Variants in PHLDB1 observed in about 807,000 individuals in gnomAD.
PHLDB1 encodes the protein pleckstrin homology like domain family B member 1, also known as pleckstrin homology-like domain family B member 1.
In PHLDB1, 65 loss-of-function variants were observed where a neutral mutation model predicts 139.3. The ratio of observed to expected loss-of-function variants is 0.47; its 90% CI spans 0.38 to 0.57. The LOEUF (loss-of-function observed/expected upper bound fraction) is 0.57, where lower values mean the gene tolerates loss of function less well. PHLDB1 is among the 20% of genes least tolerant of loss of function. PHLDB1 has a pLI of 0.00. For missense variants in PHLDB1, 1,624 were observed against 1,839.7 expected (o/e 0.88, Z 2.14); for synonymous variants, 679 against 734.5 (o/e 0.92, Z 1.22).
At chr11:118,653,318 A>G (rs1207474474) in intron 20 of PHLDB1, 1 of 152,000 alleles carries the variant, frequency 6.6e-6, no homozygotes, top group East Asian at 1.9e-4. Context: ...ACTCGATAGA[A>G]ACCCCCTCAT....
chr11:118,644,562 T>G, intron 15 of PHLDB1: 1 of 900,796 alleles, frequency 1.1e-6, no homozygotes, highest in East Asian at 6.5e-5. Flanking sequence ...ATTTGGTTGT[T>G]TTGAAAGCCC....
chr11:118,627,238 G>A, intron 5 of PHLDB1, 67 bp from the exon 6 acceptor site: 5 of 1,488,706 alleles, frequency 3.4e-6, no homozygotes, highest in Non-Finnish European at 4.6e-6. Context: ...GGAGGAGGGG[G>A]GCTAGTGCTC....
Position 118,613,595 on chromosome 11 carries a change from G to A in PHLDB1, c.-21-221G>A. On this transcript the variant is annotated intron_variant, in intron 1 of 22. Coordinates refer to ENST00000600882, the MANE Select transcript of PHLDB1 (RefSeq NM_001144758.3). ...CTGTTTGTGCTTACAGTGGCAGGGG[G>A]CAGGACTGGTATCCATGCTGTGGCT... is the stretch of plus-strand genomic sequence containing the variant. The A allele has an allele frequency of 7.9e-6, 5 of 635,174 alleles. No homozygotes were observed. In the South Asian group the frequency reaches 9.8e-5, roughly 12 times the overall value. The allele number at this position is 635,174 out of a possible 1,614,324, so 39.3% of individuals were successfully genotyped here.
In PHLDB1 at chr11:118,631,315, TTGGCAC is replaced by T. The variant is rs533357057; in HGVS notation, c.1942_1947del (p.Leu648_Ala649del). Reference sequence around the variant, plus strand: ...CAGCATTGGGGAGGCCACCGCAGCATTGGCACTGGCAGGCCGGAGGCCCTCACGAGG... The same window carrying T: ...CAGCATTGGGGAGGCCACCGCAGCATTGGCAGGCCGGAGGCCCTCACGAGG... On this transcript the variant is annotated inframe_deletion, in exon 7 of 23. Transcript: ENST00000600882. The T allele has an allele frequency of 4.8e-4, 738 of 1,550,094 alleles. 10 individuals are homozygous for T. The South Asian group carries it at 8.3e-3, about 17-fold the overall frequency.
At chr11:118,643,292 G>A (rs1555122986) in intron 13 of PHLDB1, among the ~76,000 whole-genome samples, 1 of 152,240 alleles carries the variant, frequency 6.6e-6, no homozygotes, top group African/African-American at 2.4e-5. Context: ...GGAAGTAGCA[G>A]AGCTTATGCC....
At chr11:118,615,040 C>T (rs1398649491) in intron 3 of PHLDB1, 1 of 205,712 alleles carries the variant, frequency 4.9e-6, no homozygotes, top group African/African-American at 2.4e-5. Context: ...ACTACAAATA[C>T]AAAAATTAGC....
chr11:118,631,937 C>T lies in PHLDB1; in HGVS notation c.2125C>T (p.Leu709Phe), dbSNP rs1555111103. ...QEHEDAPSTK[L>F]QGEVLALEEE... ...GCACGAAGATGCACCTAGCACCAAGCTCCAGGGAGAGGTGCTAGCCCTGGA... is the reference window on the plus strand; with the variant it reads ...GCACGAAGATGCACCTAGCACCAAGTTCCAGGGAGAGGTGCTAGCCCTGGA... Residue 709 changes from leucine to phenylalanine, a missense_variant, in exon 8 of 23, where the codon CTC becomes TTC. Physicochemically the swap from Leu to Phe is conservative, Grantham distance 22. Coordinates refer to ENST00000600882, the MANE Select transcript of PHLDB1 (RefSeq NM_001144758.3). The T allele has an allele frequency of 6.2e-7, 1 of 1,613,736 alleles. No homozygotes were observed. The highest frequency in any genetic ancestry group is 8.5e-7 in the Non-Finnish European group (1 of 1,179,824).
chr11:118,609,649 G>T (rs1939785974), intron 1 of PHLDB1, among the ~76,000 whole-genome samples: 2 of 152,208 alleles, frequency 1.3e-5, no homozygotes, highest in African/African-American at 4.8e-5. Context: ...TGTCTGTGGG[G>T]GCCGCCCCGT....
At position 118,657,937 on chromosome 11, in the gene PHLDB1, A is replaced by C; in HGVS notation, c.*1114A>C. 1 of 246,264 alleles carries C rather than the reference A, an allele frequency of 4.1e-6. No individual in the cohort carries two copies. Among genetic ancestry groups the C allele is most frequent in the Non-Finnish European group, 7.9e-6 (1 of 125,844 alleles). 15.3% of individuals were successfully genotyped at this position (246,264 alleles called of 1,614,324 possible). ...GCCCACCTCCCCTGCTCTCCTTCCC[A>C]GCATTGAGCCCTTGGTTGCCTGGGC... On this transcript the variant is annotated 3_prime_UTR_variant, in exon 23 of 23. Transcript: ENST00000600882.
At position 118,631,967 on chromosome 11, in the gene PHLDB1, G is replaced by A; in HGVS notation, c.2155G>A (p.Glu719Lys). Residue 719 changes from glutamate to lysine, a missense_variant, in exon 8 of 23, where the codon GAG (glutamate) becomes AAG (lysine). Coordinates refer to ENST00000600882, the MANE Select transcript of PHLDB1 (RefSeq NM_001144758.3). Reference sequence around the variant, plus strand: ...GGGAGAGGTGCTAGCCCTGGAAGAAGAGCGGGCTCAGGTGCTGGGGCACGT... The same window carrying A: ...GGGAGAGGTGCTAGCCCTGGAAGAAAAGCGGGCTCAGGTGCTGGGGCACGT... ...LQGEVLALEE[E>K]RAQVLGHVEQ... The A allele has an allele frequency of 1.2e-6, 2 of 1,614,158 alleles. No individual in the cohort carries two copies. The highest frequency in any genetic ancestry group is 8.5e-7 in the Non-Finnish European group (1 of 1,180,012).
Position 118,625,068 on chromosome 11 carries a change from C to G in PHLDB1, c.481+9C>G. ...CTACAGCCCTGTTCCTGGTAGGTAC[C>G]GACGGGGGCAGGGTGCTGGGTTGAT... On this transcript the variant is annotated intron_variant, in intron 5 of 22. Transcript: ENST00000600882. 1 of 1,592,514 alleles carries G rather than the reference C, an allele frequency of 6.3e-7. No homozygotes were observed. The highest frequency in any genetic ancestry group is 8.5e-7 in the Non-Finnish European group (1 of 1,170,582).
rs782639375 is a variant in PHLDB1 at position 118,645,024 on chromosome 11, G to A, written c.3122-332G>A. ...AGGGTGGGTGCATGTATCCTGCCTA[G>A]ACCTACTTAGGCCTTGGTTGTGAGC... On this transcript the variant is annotated intron_variant, in intron 15 of 22. Transcript: ENST00000600882. The surrounding 1 kb of genome is among the most constrained non-coding windows in gnomAD (Gnocchi z 5.1). 21 of 354,168 alleles carry A rather than the reference G, an allele frequency of 5.9e-5. No individual in the cohort carries two copies. The highest frequency in any genetic ancestry group is 9.2e-5 in the Non-Finnish European group (18 of 194,960). 21.9% of individuals were successfully genotyped at this position (354,168 alleles called of 1,614,324 possible). A position where few individuals can be genotyped will look rare whatever the true frequency, so the allele number is the denominator to read the frequency against.
At position 118,611,826 on chromosome 11, in the gene PHLDB1, A is replaced by ATAATAATAATAAT. The variant is rs11425130; in HGVS notation, c.-21-1990_-21-1989insTAATAATAATAAT. ...AGAGTGAAACTCCGTCTCAAAAAAA[A>ATAATAATAATAAT]AAAAAAAATAATAATAATAATAATA... On this transcript the variant is annotated intron_variant, in intron 1 of 22. Coordinates refer to ENST00000600882, the MANE Select transcript of PHLDB1 (RefSeq NM_001144758.3). The surrounding 1 kb of genome is among the most constrained non-coding windows in gnomAD (Gnocchi z 4.7). Among the ~76,000 whole-genome samples the ATAATAATAATAAT allele has an allele frequency of 2.7e-5, 4 of 148,100 alleles. No homozygotes were observed. The highest frequency in any genetic ancestry group is 3.0e-5 in the Non-Finnish European group (2 of 67,298).
rs1333965587 is a variant in PHLDB1 at position 118,647,882 on chromosome 11, G to A, written c.3508-48G>A. ...TGCCCAGGTGTGAAGAGGGCCAGTG[G>A]GGGGAAGAGGATGGCCATAGGTGCT... is the stretch of plus-strand genomic sequence containing the variant. On this transcript the variant is annotated intron_variant, in intron 17 of 22. Transcript: ENST00000600882. 10 of 1,540,878 alleles carry A rather than the reference G, an allele frequency of 6.5e-6. No individual in the cohort carries two copies. The East Asian group carries it at 7.4e-5, about 11-fold the overall frequency.
At chr11:118,613,499 A>C in intron 1 of PHLDB1, 1 of 1,030,190 alleles carries the variant, frequency 9.7e-7, no homozygotes, top group Non-Finnish European at 1.2e-6. Context: ...AAGGGTCTTC[A>C]GCTGTCAAAA....
intron 4 of PHLDB1, among the ~76,000 whole-genome samples, chr11:118,622,606 G>A (rs1943055723): frequency 6.6e-6 from 1 of 152,132 alleles, no homozygotes; most frequent in African/African-American, 2.4e-5. Flanking sequence ...GGACTGCTGG[G>A]CTGGAATCCA....
chr11:118,617,620 C>T (rs1265808824), intron 4 of PHLDB1, among the ~76,000 whole-genome samples: 6 of 152,116 alleles, frequency 3.9e-5, no homozygotes, highest in Admixed American at 2.0e-4. Flanking sequence ...CACCTGCCAC[C>T]GCCCGGCTAA....
At chr11:118,630,777 C>T (rs1031346633) in intron 6 of PHLDB1, among the ~76,000 whole-genome samples, 1 of 151,902 alleles carries the variant, frequency 6.6e-6, no homozygotes, top group Non-Finnish European at 1.5e-5. Flanking sequence ...TGTGTACCTG[C>T]GTCAGGACGA....
At chr11:118,636,490 AG>A (rs1565460092) in intron 10 of PHLDB1, 1 of 152,168 alleles carries the variant, frequency 6.6e-6, no homozygotes, top group Non-Finnish European at 1.5e-5. Context: ...TGATGAAAGG[AG>A]GGAAGAAAAT....
Sources: allele counts gnomAD v4.1 joint callset (sites outside exome capture counted in the v4.1 genomes callset), GRCh38; gene constraint gnomAD v4.1.1; non-coding constraint Gnocchi (gnomAD v3.1); transcripts MANE v1.5; gene names NCBI Gene and HGNC (gene_info 2026-07-23, HGNC 2026-07-21).